Variants in ITGA9 observed in about 807,000 individuals in gnomAD.
The protein encoded by ITGA9 is integrin alpha-9.
A neutral mutation model predicts 127.8 loss-of-function variants in ITGA9; 56 were observed. The observed-to-expected ratio is 0.44, with a 90% CI of 0.35 to 0.55. ITGA9 has a LOEUF of 0.55. Among genes scored for constraint, ITGA9 ranks in the 20% least tolerant of loss-of-function variants. The pLI is 0.00. For missense variants in ITGA9, 1,196 were observed against 1,347.1 expected (o/e 0.89, Z 1.76); for synonymous variants, 508 against 514.5 (o/e 0.99, Z 0.17).
At chr3:37,680,258 A>T (rs893559515) in intron 17 of ITGA9, among the ~76,000 whole-genome samples, 2 of 152,226 alleles carry the variant, frequency 1.3e-5, no homozygotes, top group African/African-American at 4.8e-5. Context: ...ATGCTGGCAC[A>T]TCACATTTTC....
At chr3:37,464,779 A>G (rs1698352544) in intron 1 of ITGA9, among the ~76,000 whole-genome samples, 1 of 152,218 alleles carries the variant, frequency 6.6e-6, no homozygotes, top group Admixed American at 6.5e-5. Flanking sequence ...CCCCAAATAT[A>G]AGAAGAGCTT....
intron 15 of ITGA9, among the ~76,000 whole-genome samples, chr3:37,563,112 A>C (rs1412273259): frequency 6.6e-6 from 1 of 152,144 alleles, no homozygotes; most frequent in Non-Finnish European, 1.5e-5. Context: ...CATATGCTCA[A>C]GATATTCTAC....
At chr3:37,812,180 G>A (rs989373726) in intron 27 of ITGA9, among the ~76,000 whole-genome samples, 3 of 152,212 alleles carry the variant, frequency 2.0e-5, no homozygotes, top group Admixed American at 6.5e-5. Flanking sequence ...ATGACATTCA[G>A]TGGGGGCTTG....
intron 8 of ITGA9, among the ~76,000 whole-genome samples, chr3:37,511,958 T>G (rs1698909147): frequency 2.1e-5 from 2 of 95,468 alleles, no homozygotes; most frequent in East Asian, 6.2e-4. Context: ...GAATAATGCT[T>G]TTTCTCTTTC....
intron 18 of ITGA9, among the ~76,000 whole-genome samples, chr3:37,697,505 G>A (rs1054167392): frequency 2.0e-5 from 3 of 151,782 alleles, no homozygotes; most frequent in East Asian, 3.9e-4. Context: ...CCCACGACAG[G>A]CCCCCATGTG....
At chr3:37,688,458 A>G (rs537919543) in intron 18 of ITGA9, among the ~76,000 whole-genome samples, 2 of 152,344 alleles carry the variant, frequency 1.3e-5, no homozygotes, top group East Asian at 3.9e-4. Context: ...ATTAATAAAA[A>G]TAATCCCATA....
intron 14 of ITGA9, among the ~76,000 whole-genome samples, chr3:37,539,572 T>G (rs1699246125): frequency 6.6e-6 from 1 of 152,214 alleles, no homozygotes; most frequent in South Asian, 2.1e-4. Flanking sequence ...GGAACCTTAG[T>G]CTTTTTCTCT....
intron 23 of ITGA9, among the ~76,000 whole-genome samples, chr3:37,760,957 A>T (rs1427427283): frequency 6.6e-6 from 1 of 152,242 alleles, no homozygotes; most frequent in Non-Finnish European, 1.5e-5. Context: ...ACCAAAAATT[A>T]TAAAAATGGT....
At chr3:37,661,572 A>G (rs1700537692) in intron 17 of ITGA9, among the ~76,000 whole-genome samples, 1 of 152,228 alleles carries the variant, frequency 6.6e-6, no homozygotes, top group South Asian at 2.1e-4. Context: ...GTTAAGTGCT[A>G]GTGGAAACCA....
intron 17 of ITGA9, among the ~76,000 whole-genome samples, chr3:37,655,046 T>C (rs1378128850): frequency 2.0e-5 from 3 of 152,202 alleles, no homozygotes; most frequent in Non-Finnish European, 4.4e-5. Context: ...GGCTGCATAG[T>C]GTTCTATGGT....
chr3:37,585,252 A>G (rs1360318680), intron 15 of ITGA9, among the ~76,000 whole-genome samples: 1 of 152,176 alleles, frequency 6.6e-6, no homozygotes, highest in Non-Finnish European at 1.5e-5. Context: ...GCTTCTGGCC[A>G]GGACCATCAT....
intron 15 of ITGA9, among the ~76,000 whole-genome samples, chr3:37,612,263 CT>C (rs930732264): frequency 6.6e-6 from 1 of 152,124 alleles, no homozygotes; most frequent in African/African-American, 2.4e-5. Context: ...TCAGAATATG[CT>C]TTTACATACA....
intron 15 of ITGA9, among the ~76,000 whole-genome samples, chr3:37,618,620 C>T (rs1417456533): frequency 6.6e-6 from 1 of 152,230 alleles, no homozygotes; most frequent in African/African-American, 2.4e-5. Context: ...TCAGTTCGAG[C>T]TTCTCAGCCA....
At chr3:37,742,969 C>T (rs970138839) in intron 21 of ITGA9, among the ~76,000 whole-genome samples, 1 of 152,126 alleles carries the variant, frequency 6.6e-6, no homozygotes, top group Non-Finnish European at 1.5e-5. Context: ...AGAACCAAGC[C>T]CTATCCTTGG....
intron 16 of ITGA9, among the ~76,000 whole-genome samples, chr3:37,640,100 C>T (rs942224356): frequency 7.2e-5 from 11 of 152,166 alleles, no homozygotes; most frequent in African/African-American, 2.7e-4. Context: ...GCAGAATGGC[C>T]CCCCAAAGAT....
intron 26 of ITGA9, among the ~76,000 whole-genome samples, chr3:37,787,631 A>G (rs1222805525): frequency 7.5e-6 from 1 of 132,630 alleles, no homozygotes; most frequent in Non-Finnish European, 1.8e-5. Flanking sequence ...TCCTGGCAGG[A>G]AAAAAAAAAT....
intron 18 of ITGA9, among the ~76,000 whole-genome samples, chr3:37,720,049 T>A (rs1575207547): frequency 6.6e-6 from 1 of 152,166 alleles, no homozygotes; most frequent in African/African-American, 2.4e-5. Flanking sequence ...TTCTCAAATG[T>A]CCATGTTCGC....
chr3:37,658,927 T>G (rs1040325292), intron 17 of ITGA9, among the ~76,000 whole-genome samples: 1 of 152,352 alleles, frequency 6.6e-6, no homozygotes, highest in Admixed American at 6.5e-5. Flanking sequence ...AAAAAGTTTC[T>G]TCTTCGCTTA....
intron 18 of ITGA9, among the ~76,000 whole-genome samples, chr3:37,700,383 T>C (rs1700933404): frequency 6.6e-6 from 1 of 152,104 alleles, no homozygotes; most frequent in Non-Finnish European, 1.5e-5. Flanking sequence ...AGACAAGGTC[T>C]CACTCTGTTG....
Sources: gnomAD v4.1 joint callset for allele counts (sites outside exome capture counted in the v4.1 genomes callset) on GRCh38, gnomAD v4.1.1 for gene constraint, MANE v1.5 for transcripts, NCBI Gene and HGNC (gene_info 2026-07-23, HGNC 2026-07-21) for gene names.